UGT1A10: variants seen among roughly 807,000 people sequenced by gnomAD.
The protein encoded by UGT1A10 is UDP-glucuronosyltransferase 1A10.
In UGT1A10, 49 loss-of-function variants were observed where a neutral mutation model predicts 45.8. The observed-to-expected ratio is 1.07, with a 90% confidence interval of 0.85 to 1.36. The LOEUF (loss-of-function observed/expected upper bound fraction) is 1.36. Among genes scored for constraint, UGT1A10 ranks in the 40% most tolerant of loss-of-function variants. The pLI is 0.00. For missense variants in UGT1A10, 745 were observed against 668.6 expected (o/e 1.11, Z -1.26); for synonymous variants, 284 against 249.7 (o/e 1.14, Z -1.29).
At chr2:233,728,805 A>G (rs2077752028) in intron 1 of UGT1A10, among the ~76,000 whole-genome samples, 1 of 152,166 alleles carries the variant, frequency 6.6e-6, no homozygotes, top group Non-Finnish European at 1.5e-5. Context: ...GAAGTAGGAG[A>G]CAGTGACATG....
chr2:233,662,239 G>T (rs1048894174), intron 1 of UGT1A10, among the ~76,000 whole-genome samples: 4 of 152,112 alleles, frequency 2.6e-5, no homozygotes, highest in African/African-American at 9.7e-5. Flanking sequence ...TAATATGGTA[G>T]TAAATGATAA....
At position 233,768,158 on chromosome 2, in the gene UGT1A10, A is replaced by AGAACCTAGG. The variant is rs1559415093; in HGVS notation, c.1076-62_1076-61insGAACCTAGG. The AGAACCTAGG allele has an allele frequency of 1.9e-6, 3 of 1,613,074 alleles. No homozygotes were observed. In the African/African-American group the frequency reaches 4.0e-5, roughly 22 times the overall value. On this transcript the variant is annotated intron_variant, in intron 3 of 4. Transcript: ENST00000344644. ...TCTTTGGAGTGTTTTCAGAACCTAGATGTGTCCAGCTGTGAAACTCAGAGA... is the reference window on the plus strand; with the variant it reads ...TCTTTGGAGTGTTTTCAGAACCTAGAGAACCTAGGTGTGTCCAGCTGTGAAACTCAGAGA...
intron 1 of UGT1A10, among the ~76,000 whole-genome samples, chr2:233,727,353 T>A (rs2077608384): frequency 6.6e-6 from 1 of 152,150 alleles, no homozygotes; most frequent in Non-Finnish European, 1.5e-5. Flanking sequence ...AGTTCTGCTA[T>A]CCTTAGGGCC....
At position 233,713,135 on chromosome 2, in the gene UGT1A10, G is replaced by T. The variant is rs772419709; in HGVS notation, c.856-53899G>T. Reference sequence around the variant, plus strand: ...ACTGGCTCAGCATGCGGGAGGCCTTGCGGGACCTCCATGCGAGAGGCCACC... The same window carrying T: ...ACTGGCTCAGCATGCGGGAGGCCTTTCGGGACCTCCATGCGAGAGGCCACC... On this transcript the variant is annotated intron_variant, in intron 1 of 4. Transcript: ENST00000344644. 3 of 1,614,216 alleles carry T rather than the reference G, an allele frequency of 1.9e-6. No homozygotes were observed. In the South Asian group the frequency reaches 3.3e-5, roughly 18 times the overall value.
At chr2:233,641,062 T>A (rs2073438928) in intron 1 of UGT1A10, among the ~76,000 whole-genome samples, 1 of 152,174 alleles carries the variant, frequency 6.6e-6, no homozygotes, top group Non-Finnish European at 1.5e-5. Flanking sequence ...ACTGCAACCT[T>A]GGCATTATCA....
At chr2:233,725,264 GGAGGCAGAGGCAGAGGCA>G (rs551912265) in intron 1 of UGT1A10, among the ~76,000 whole-genome samples, 25,828 of 58,216 alleles carry the variant, frequency 0.44, 8,681 homozygotes, top group East Asian at 0.63. Context: ...CAGAGGCAGA[GGAGGCAGAGGCAGAGGCA>G]GAGGCAGAGG....
At chr2:233,761,658 A>C (rs1473319616) in intron 1 of UGT1A10, among the ~76,000 whole-genome samples, 1 of 152,256 alleles carries the variant, frequency 6.6e-6, no homozygotes, top group African/African-American at 2.4e-5. Context: ...TAATGAGTGA[A>C]TCACCAGACA....
At chr2:233,648,672 G>A (rs2073664715) in intron 1 of UGT1A10, 1 of 323,756 alleles carries the variant, frequency 3.1e-6, no homozygotes, top group Admixed American at 3.6e-5. Context: ...CACCGTGTTA[G>A]CCAGGATGGT....
chr2:233,733,620 A>G lies in UGT1A10; in HGVS notation c.856-33414A>G, dbSNP rs138642238. ...TGATGGATTACATTTATTGATTTGC[A>G]TATGTTGAACCAGCCTTGCATCCCA... On this transcript the variant is annotated intron_variant, in intron 1 of 4. Coordinates refer to ENST00000344644, the MANE Select transcript of UGT1A10 (RefSeq NM_019075.4). 5.8e-3 allele frequency among the ~76,000 whole-genome samples: 878 copies of G among 152,316 alleles called. 10 individuals are homozygous for G. Among genetic ancestry groups the G allele is most frequent in the African/African-American group, 0.02 (842 of 41,576 alleles).
intron 3 of UGT1A10, 118 bp from the exon 4 acceptor site, chr2:233,768,102 A>T (rs1036317794): frequency 6.3e-7 from 1 of 1,593,190 alleles, no homozygotes; most frequent in African/African-American, 1.3e-5. Context: ...TCTTCTGCAA[A>T]TTTCTGCAAG....
At chr2:233,761,982 G>T (rs1310969194) in intron 1 of UGT1A10, among the ~76,000 whole-genome samples, 1 of 152,142 alleles carries the variant, frequency 6.6e-6, no homozygotes, top group Non-Finnish European at 1.5e-5. Context: ...ACCTTCGGAG[G>T]TGACCTTATT....
chr2:233,741,506 T>G (rs1461228170), intron 1 of UGT1A10: 1 of 151,928 alleles, frequency 6.6e-6, no homozygotes, highest in Non-Finnish European at 1.5e-5. Flanking sequence ...TGAACTCATT[T>G]TTCAAAAGCC....
In UGT1A10 at chr2:233,772,258, T is replaced by A; in HGVS notation, c.1296-4T>A. On this transcript the variant is annotated splice_polypyrimidine_tract_variant and splice_region_variant and intron_variant, in intron 4 of 4. Coordinates refer to ENST00000344644, the MANE Select transcript of UGT1A10 (RefSeq NM_019075.4). The stretch of plus-strand genomic sequence containing the variant: ...AGGCATAACGAAACTGTCTTTGTGT[T>A]TAGTTACAAGGAGAACATCATGCGC... The A allele has an allele frequency of 6.2e-7, 1 of 1,614,236 alleles. No individual in the cohort carries two copies. The highest frequency in any genetic ancestry group is 8.5e-7 in the Non-Finnish European group (1 of 1,180,048).
At chr2:233,748,084 G>T in intron 1 of UGT1A10, 7 of 1,613,070 alleles carry the variant, frequency 4.3e-6, no homozygotes, top group Non-Finnish European at 5.9e-6. Flanking sequence ...TCTCAGGTCG[G>T]TGTTCGTGCC....
chr2:233,639,820 G>A (rs2073402690), intron 1 of UGT1A10, among the ~76,000 whole-genome samples: 1 of 152,144 alleles, frequency 6.6e-6, no homozygotes, highest in African/African-American at 2.4e-5. Flanking sequence ...CAATTGGTAT[G>A]GTCATTCTTT....
At chr2:233,741,288 A>G (rs1260428951) in intron 1 of UGT1A10, among the ~76,000 whole-genome samples, 2 of 151,770 alleles carry the variant, frequency 1.3e-5, no homozygotes, top group Non-Finnish European at 2.9e-5. Context: ...GGATTTATGT[A>G]CCCAATTGTG....
intron 1 of UGT1A10, among the ~76,000 whole-genome samples, chr2:233,726,661 A>G (rs2077549730): frequency 1.3e-5 from 2 of 152,200 alleles, no homozygotes; most frequent in Admixed American, 6.5e-5. Flanking sequence ...TAATTTAATC[A>G]TATCTGTGAA....
chr2:233,666,131 A>G (rs2074071419), intron 1 of UGT1A10, among the ~76,000 whole-genome samples: 1 of 152,244 alleles, frequency 6.6e-6, no homozygotes. Flanking sequence ...GGTGCTGATC[A>G]CATGGCTAGA....
chr2:233,721,911 G>GGAA, intron 1 of UGT1A10: 1 of 435,688 alleles, frequency 2.3e-6, no homozygotes, highest in Non-Finnish European at 4.6e-6. Flanking sequence ...GGTGCACACT[G>GGAA]CTTCCATAAA....
Sources: allele counts gnomAD v4.1 joint callset (sites outside exome capture counted in the v4.1 genomes callset), GRCh38; gene constraint gnomAD v4.1.1; transcripts MANE v1.5; gene names NCBI Gene and HGNC (gene_info 2026-07-23, HGNC 2026-07-21).